INTS8: variants seen among roughly 807,000 people sequenced by gnomAD.
INTS8 encodes the protein protein kaonashi-1.
INTS8 carries 47 observed loss-of-function variants against 138.9 expected under a neutral mutation model. The ratio of observed to expected loss-of-function variants is 0.34; its 90% CI spans 0.27 to 0.43. INTS8 has a LOEUF of 0.43. Among genes scored for constraint, INTS8 ranks in the 20% least tolerant of loss-of-function variants. The pLI is 1.00. For synonymous variants in INTS8, 392 were observed against 400.9 expected (o/e 0.98, Z 0.27); for missense variants, 996 against 1,173.0 (o/e 0.85, Z 2.20).
intron 26 of INTS8, among the ~76,000 whole-genome samples, chr8:94,879,450 A>G (rs1177920162): frequency 6.6e-6 from 1 of 151,216 alleles, no homozygotes; most frequent in Non-Finnish European, 1.5e-5. Flanking sequence ...CAAAAATTAG[A>G]CGGACGAGAT....
At chr8:94,852,820 G>T (rs1056682456) in intron 13 of INTS8, among the ~76,000 whole-genome samples, 7 of 152,010 alleles carry the variant, frequency 4.6e-5, no homozygotes, top group Admixed American at 3.9e-4. Flanking sequence ...GGCTGGTCTC[G>T]AACTCCTGAC....
chr8:94,881,631 T>C lies in INTS8; in HGVS notation c.*1397T>C, dbSNP rs146974676. 25 of 1,612,854 alleles carry C rather than the reference T, an allele frequency of 1.6e-5. No individual in the cohort carries two copies. Among genetic ancestry groups the C allele is most frequent in the Admixed American group, 3.4e-5 (2 of 59,530 alleles). The stretch of plus-strand genomic sequence containing the variant: ...CCAACTTGTTTGCTTAGTTATCTTC[T>C]TTAGTGTTTTCCTGGTGGTTTTTCA... On this transcript the variant is annotated 3_prime_UTR_variant, in exon 27 of 27. Coordinates refer to ENST00000523731, the MANE Select transcript of INTS8 (RefSeq NM_017864.4).
chr8:94,840,408 T>G (rs1399068179), intron 8 of INTS8, among the ~76,000 whole-genome samples: 3 of 152,194 alleles, frequency 2.0e-5, no homozygotes, highest in Non-Finnish European at 4.4e-5. Context: ...TTTCTTTCTT[T>G]CCTGCTCTTC....
At chr8:94,858,840 T>G (rs1237871651) in intron 15 of INTS8, among the ~76,000 whole-genome samples, 1 of 152,234 alleles carries the variant, frequency 6.6e-6, no homozygotes, top group Non-Finnish European at 1.5e-5. Flanking sequence ...CTGAACAGTT[T>G]GTAGTTCACA....
rs768522808 is a variant in INTS8 at position 94,836,582 on chromosome 8, A to G, written c.812A>G (p.Tyr271Cys). Residue 271 changes from tyrosine (Y) to cysteine (C), a missense_variant, in exon 7 of 27, where the codon TAT (tyrosine) becomes TGT (cysteine). By Grantham distance (194) the Tyr-to-Cys change is radical (BLOSUM62 -2). Transcript: ENST00000523731. ...FQQGSTNSAVYENAREKFFRT... is the reference protein window; with the variant it reads ...FQQGSTNSAVCENAREKFFRT... Reference sequence around the variant, plus strand: ...CAAGGCTCCACAAATTCAGCTGTCTATGAAAATGCCAGGGAAAAATTTTTT... The same window carrying G: ...CAAGGCTCCACAAATTCAGCTGTCTGTGAAAATGCCAGGGAAAAATTTTTT... 7.4e-6 allele frequency: 12 copies of G among 1,614,090 alleles called. No individual in the cohort carries two copies. The highest frequency in any genetic ancestry group is 1.6e-4 in the Middle Eastern group (1 of 6,062).
chr8:94,838,679 C>G lies in INTS8; in HGVS notation c.1017+61C>G, dbSNP rs539570620. On this transcript the variant is annotated intron_variant, in intron 8 of 26. Transcript: ENST00000523731. ...AAGCCAGACAAAACTAAGTTCAAAT[C>G]CTCGCACCATCCATTTACCAGTTAC... 213 of 1,372,054 alleles carry G rather than the reference C, an allele frequency of 1.6e-4. 1 individual carries two copies. In the South Asian group the frequency reaches 2.5e-3, roughly 16 times the overall value. 85.0% of individuals were successfully genotyped at this position (1,372,054 alleles called of 1,614,324 possible). A position where few individuals can be genotyped will look rare whatever the true frequency, so the allele number is the denominator to read the frequency against.
intron 6 of INTS8, among the ~76,000 whole-genome samples, chr8:94,832,953 C>T (rs1415252841): frequency 1.3e-5 from 2 of 151,958 alleles, no homozygotes; most frequent in South Asian, 2.1e-4. Flanking sequence ...CGCGCCCGGC[C>T]GTTGTCAGAT....
intron 4 of INTS8, among the ~76,000 whole-genome samples, chr8:94,828,309 G>A (rs1322613353): frequency 6.6e-6 from 1 of 152,148 alleles, no homozygotes; most frequent in Non-Finnish European, 1.5e-5. Context: ...CCAAAGTGCT[G>A]GGATTACAGG....
At chr8:94,854,011 G>A in intron 14 of INTS8, 96 bp downstream of exon 14, 1 of 706,022 alleles carries the variant, frequency 1.4e-6, no homozygotes, top group East Asian at 2.7e-5. Flanking sequence ...GGGAGTCTGA[G>A]GTGGGCAGAT....
intron 16 of INTS8, among the ~76,000 whole-genome samples, chr8:94,861,508 G>T (rs1259810453): frequency 1.3e-5 from 2 of 151,612 alleles, no homozygotes; most frequent in Non-Finnish European, 2.9e-5. Flanking sequence ...TGATCTGCCC[G>T]CCTTGGCCTC....
At chr8:94,872,146 T>A (rs1387687148) in intron 21 of INTS8, 144 bp downstream of exon 21, 1 of 563,276 alleles carries the variant, frequency 1.8e-6, no homozygotes, top group Non-Finnish European at 3.1e-6. Flanking sequence ...TAAAAGTATT[T>A]GTACTTTTTT....
intron 1 of INTS8, 106 bp downstream of exon 1, chr8:94,823,667 A>C: frequency 1.1e-6 from 1 of 878,718 alleles, no homozygotes; most frequent in Non-Finnish European, 1.7e-6. Flanking sequence ...GCGGCCTGGG[A>C]GGCGCGCACA....
At chr8:94,827,916 G>T (rs537096239) in intron 4 of INTS8, 123 bp downstream of exon 4, 39 of 810,458 alleles carry the variant, frequency 4.8e-5, no homozygotes, top group Non-Finnish European at 7.9e-5. Flanking sequence ...CAGAAGGCCT[G>T]TGTGAAGGTT....
chr8:94,850,450 A>C (rs1362959718), intron 12 of INTS8, among the ~76,000 whole-genome samples: 2 of 152,076 alleles, frequency 1.3e-5, no homozygotes, highest in Admixed American at 1.3e-4. Flanking sequence ...GCCTCTACTA[A>C]AAATACAAAA....
intron 6 of INTS8, among the ~76,000 whole-genome samples, chr8:94,835,528 G>C (rs1814890684): frequency 1.3e-5 from 2 of 151,990 alleles, no homozygotes; most frequent in African/African-American, 4.8e-5. Flanking sequence ...CTTTTGAGGG[G>C]CTCCCCAGCG....
intron 15 of INTS8, among the ~76,000 whole-genome samples, chr8:94,858,117 ATCTT>A (rs981829335): frequency 2.6e-5 from 4 of 152,204 alleles, no homozygotes; most frequent in African/African-American, 7.2e-5. Flanking sequence ...CGACACATAA[ATCTT>A]TCTTAGTTAA....
At chr8:94,854,641 A>T (rs1815679225) in intron 14 of INTS8, among the ~76,000 whole-genome samples, 1 of 152,244 alleles carries the variant, frequency 6.6e-6, no homozygotes, top group African/African-American at 2.4e-5. Flanking sequence ...TTCTTTAGGA[A>T]GGTTAAAGGC....
intron 2 of INTS8, among the ~76,000 whole-genome samples, chr8:94,825,510 A>G (rs1814465978): frequency 6.6e-6 from 1 of 152,050 alleles, no homozygotes. Flanking sequence ...TGTGGTAACT[A>G]GAGAAAATCC....
intron 21 of INTS8, among the ~76,000 whole-genome samples, chr8:94,872,967 C>T (rs558597737): frequency 6.6e-6 from 1 of 152,158 alleles, no homozygotes; most frequent in Non-Finnish European, 1.5e-5. Context: ...TCTTGTTTCA[C>T]GTGTTCCCTT....
Sources: gnomAD v4.1 joint callset for allele counts (sites outside exome capture counted in the v4.1 genomes callset) on GRCh38, gnomAD v4.1.1 for gene constraint, MANE v1.5 for transcripts, NCBI Gene and HGNC (gene_info 2026-07-23, HGNC 2026-07-21) for gene names.